Variants in CACNA1B observed in about 807,000 individuals in gnomAD.
CACNA1B encodes calcium voltage-gated channel subunit alpha1 B, also known as voltage-dependent N-type calcium channel subunit alpha-1B.
CACNA1B carries 70 observed loss-of-function variants against 247.2 expected under a neutral mutation model. The ratio of observed to expected loss-of-function variants is 0.28; its 90% CI spans 0.23 to 0.35. The LOEUF is 0.35. Among genes scored for constraint, CACNA1B ranks in the 10% least tolerant of loss-of-function variants. The probability of loss-of-function intolerance (pLI) is 1.00; values close to 1 mark genes in which losing one functional copy is unlikely to be tolerated. For missense variants in CACNA1B, 2,367 were observed against 3,197.4 expected (o/e 0.74, Z 6.26); for synonymous variants, 1,231 against 1,294.4 (o/e 0.95, Z 1.05).
Position 138,119,865 on chromosome 9 carries a change from A to G in CACNA1B, c.6031-300A>G, listed in dbSNP as rs72770915. On this transcript the variant is annotated intron_variant, in intron 44 of 46. Transcript: ENST00000371372. ...CCAGTCCACCCCAGACGCACCAGGC[A>G]GAGTGATCCCATTGCAGCCAGCAGA... Among the ~76,000 whole-genome samples, 448 of 152,318 alleles carry G rather than the reference A, an allele frequency of 2.9e-3. 3 individuals carry two copies. The highest frequency in any genetic ancestry group is 0.01 in the Middle Eastern group (3 of 294).
At chr9:137,956,553 C>T (rs1273432698) in intron 8 of CACNA1B, among the ~76,000 whole-genome samples, 1 of 151,752 alleles carries the variant, frequency 6.6e-6, no homozygotes, top group Non-Finnish European at 1.5e-5. Flanking sequence ...AGTGGGGAGG[C>T]TGAGGCAGGA....
intron 15 of CACNA1B, among the ~76,000 whole-genome samples, chr9:138,003,959 A>G (rs1228477055): frequency 6.6e-6 from 1 of 151,964 alleles, no homozygotes; most frequent in African/African-American, 2.4e-5. Context: ...CAGATTGGGA[A>G]CTGTCAAAGG....
At chr9:137,937,063 A>G (rs1465009094) in intron 6 of CACNA1B, among the ~76,000 whole-genome samples, 1 of 152,128 alleles carries the variant, frequency 6.6e-6, no homozygotes, top group African/African-American at 2.4e-5. Flanking sequence ...TCTATAAATT[A>G]CCTTGGGCAG....
rs960406194 is a variant in CACNA1B at position 137,881,296 on chromosome 9, C to A, written c.391-1448C>A. 6.6e-6 allele frequency among the ~76,000 whole-genome samples: 1 copy of A among 152,178 alleles called. No homozygotes were observed. Among genetic ancestry groups the A allele is most frequent in the Non-Finnish European group, 1.5e-5 (1 of 68,024 alleles). The stretch of plus-strand genomic sequence containing the variant: ...ATGATGGACCCTTGGGTGCTGGTAG[C>A]TTCTACCAGGTACTGCCAGCCAAGC... On this transcript the variant is annotated intron_variant, in intron 2 of 46. Coordinates refer to ENST00000371372, the MANE Select transcript of CACNA1B (RefSeq NM_000718.4). This position sits in a 1 kb window ranked among gnomAD's most constrained non-coding sequence, Gnocchi z 4.3.
At position 138,050,153 on chromosome 9, in the gene CACNA1B, A is replaced by G. The variant is rs1421006758; in HGVS notation, c.3710+838A>G. Reference sequence around the variant, plus strand: ...GCATTCCAGCAGCCCCTCTTGGGTCATTTCATCTCCAGCCTCACCCCCCGC... The same window carrying G: ...GCATTCCAGCAGCCCCTCTTGGGTCGTTTCATCTCCAGCCTCACCCCCCGC... On this transcript the variant is annotated intron_variant, in intron 24 of 46. Coordinates refer to ENST00000371372, the MANE Select transcript of CACNA1B (RefSeq NM_000718.4). This position sits in a 1 kb window ranked among gnomAD's most constrained non-coding sequence, Gnocchi z 5.2. 6.9e-6 allele frequency: 8 copies of G among 1,158,396 alleles called. No individual in the cohort carries two copies. The highest frequency in any genetic ancestry group is 9.2e-6 in the Non-Finnish European group (8 of 869,352). 71.8% of individuals were successfully genotyped at this position (1,158,396 alleles called of 1,614,324 possible).
chr9:138,039,300 T>G (rs1166017462), intron 20 of CACNA1B, among the ~76,000 whole-genome samples: 2 of 152,238 alleles, frequency 1.3e-5, no homozygotes, highest in Non-Finnish European at 2.9e-5. Flanking sequence ...ACTTTTGTAT[T>G]TATCTCTTTT....
At chr9:137,991,054 A>G (rs1222173506) in intron 15 of CACNA1B, among the ~76,000 whole-genome samples, 1 of 152,260 alleles carries the variant, frequency 6.6e-6, no homozygotes, top group Non-Finnish European at 1.5e-5. Context: ...AGAAGATCAC[A>G]TCAGCTTACC....
At position 138,007,630 on chromosome 9, in the gene CACNA1B, A is replaced by C. The variant is rs1010423160; in HGVS notation, c.2092+746A>C. The stretch of plus-strand genomic sequence containing the variant: ...GATGGTAAGCCTGGATTCCAGCCCT[A>C]GCCCAGGGTGTCAGAGGCAGTGGGG... On this transcript the variant is annotated intron_variant, in intron 16 of 46. Transcript: ENST00000371372. This position sits in a 1 kb window ranked among gnomAD's most constrained non-coding sequence, Gnocchi z 4.1. Among the ~76,000 whole-genome samples, 15 of 152,160 alleles carry C rather than the reference A, an allele frequency of 9.9e-5. No homozygotes were observed. Among genetic ancestry groups the C allele is most frequent in the Non-Finnish European group, 2.1e-4 (14 of 68,002 alleles).
At chr9:138,013,091 C>G in intron 17 of CACNA1B, 38 bp from the exon 18 acceptor site, 1 of 1,490,346 alleles carries the variant, frequency 6.7e-7, no homozygotes, top group South Asian at 1.1e-5. Context: ...GGCTATAACA[C>G]TGTGAGGGGA....
intron 3 of CACNA1B, among the ~76,000 whole-genome samples, chr9:137,904,634 CT>C (rs1483370553): frequency 6.6e-6 from 1 of 151,988 alleles, no homozygotes; most frequent in East Asian, 1.9e-4. Context: ...TCTCAAAGGG[CT>C]ACGATTACAG....
rs767404075 is a variant in CACNA1B at position 138,053,893 on chromosome 9, C to T, written c.3855C>T (p.Ile1285=). The T allele has an allele frequency of 1.2e-6, 2 of 1,613,204 alleles. No individual in the cohort carries two copies. Among genetic ancestry groups the T allele is most frequent in the East Asian group, 2.2e-5 (1 of 44,872 alleles). ...ACTCCCTGAAGAATGTCCTCAACAT[C>T]TTGATTGTCTACATGCTCTTCATGT... ...VVNSLKNVLN[I]LIVYMLFMFI... is the part of the protein sequence containing the mutation. Residue 1285 remains isoleucine (I), a synonymous_variant, in exon 26 of 47, where the codon ATC becomes ATT. Transcript: ENST00000371372.
Position 137,882,634 on chromosome 9 carries a change from C to G in CACNA1B, c.391-110C>G. 1.6e-6 allele frequency: 2 copies of G among 1,283,550 alleles called. No homozygotes were observed. The highest frequency in any genetic ancestry group is 2.7e-5 in the South Asian group (2 of 73,910). 79.5% of individuals were successfully genotyped at this position (1,283,550 alleles called of 1,614,324 possible). A position where few individuals can be genotyped will look rare whatever the true frequency, so the allele number is the denominator to read the frequency against. ...GGCAAGGTGAGGAGGGTCAGACCCTCACGATAGCTGTGGCCTGCACATGGT... is the reference window on the plus strand; with the variant it reads ...GGCAAGGTGAGGAGGGTCAGACCCTGACGATAGCTGTGGCCTGCACATGGT... On this transcript the variant is annotated intron_variant, in intron 2 of 46. Coordinates refer to ENST00000371372, the MANE Select transcript of CACNA1B (RefSeq NM_000718.4). The surrounding 1 kb of genome is among the most constrained non-coding windows in gnomAD (Gnocchi z 4.0).
Position 138,010,723 on chromosome 9 carries a change from T to C in CACNA1B, c.2160+646T>C, listed in dbSNP as rs1958713425. Among the ~76,000 whole-genome samples, 1 of 152,170 alleles carries C rather than the reference T, an allele frequency of 6.6e-6. No homozygotes were observed. Among genetic ancestry groups the C allele is most frequent in the Non-Finnish European group, 1.5e-5 (1 of 68,034 alleles). ...ATCAGTGTGTACCTGTGTGTCACCA[T>C]GTATGTGTCACTGTGTGCCCTCTTC... On this transcript the variant is annotated intron_variant, in intron 17 of 46. Transcript: ENST00000371372. The surrounding 1 kb of genome is among the most constrained non-coding windows in gnomAD (Gnocchi z 5.3).
At chr9:138,036,208 T>C (rs1307774869) in intron 20 of CACNA1B, among the ~76,000 whole-genome samples, 4 of 152,180 alleles carry the variant, frequency 2.6e-5, no homozygotes, top group African/African-American at 9.6e-5. Context: ...GGCGCAATCT[T>C]GGCTCACTGC....
Position 138,118,086 on chromosome 9 carries a change from G to A in CACNA1B, c.5913+5G>A. 1 of 1,551,818 alleles carries A rather than the reference G, an allele frequency of 6.4e-7. No individual in the cohort carries two copies. The highest frequency in any genetic ancestry group is 2.4e-5 in the East Asian group (1 of 41,810). On this transcript the variant is annotated splice_donor_5th_base_variant and intron_variant, in intron 43 of 46. Coordinates refer to ENST00000371372, the MANE Select transcript of CACNA1B (RefSeq NM_000718.4). ...GTGGGGCGGTCAGGAGCACTGGTGA[G>A]CACTCCCGGGGGCTAGTGAGACTGG...
intron 6 of CACNA1B, among the ~76,000 whole-genome samples, chr9:137,949,625 C>T (rs371467993): frequency 9.9e-5 from 15 of 152,102 alleles, no homozygotes; most frequent in East Asian, 7.7e-4. Context: ...TTCTGCCTGG[C>T]GGGCTTGTGT....
In CACNA1B at chr9:138,121,027, G is replaced by A; in HGVS notation, c.6489+146G>A. 1.1e-6 allele frequency: 1 copy of A among 942,264 alleles called. No individual in the cohort carries two copies. Among genetic ancestry groups the A allele is most frequent in the East Asian group, 2.7e-5 (1 of 36,614 alleles). 58.4% of individuals were successfully genotyped at this position (942,264 alleles called of 1,614,324 possible). ...CCAAGGGCCGGGCGCTCCCCTCTGT[G>A]CCCTGTCCCGGAGCCCACGTCTGCA... On this transcript the variant is annotated intron_variant, in intron 46 of 46. Coordinates refer to ENST00000371372, the MANE Select transcript of CACNA1B (RefSeq NM_000718.4). This position sits in a 1 kb window ranked among gnomAD's most constrained non-coding sequence, Gnocchi z 6.8.
intron 6 of CACNA1B, among the ~76,000 whole-genome samples, chr9:137,921,276 A>C (rs1363269919): frequency 6.6e-6 from 1 of 151,750 alleles, no homozygotes; most frequent in Non-Finnish European, 1.5e-5. Context: ...TCCCGGGAGC[A>C]GAGTAAAGCG....
intron 26 of CACNA1B, among the ~76,000 whole-genome samples, chr9:138,055,755 G>A (rs574676032): frequency 1.7e-3 from 260 of 152,256 alleles, no homozygotes; most frequent in Non-Finnish European, 2.8e-3. Context: ...GGCCAGGCGC[G>A]GTGGCTCACG....
Sources: allele counts gnomAD v4.1 joint callset (sites outside exome capture counted in the v4.1 genomes callset), GRCh38; gene constraint gnomAD v4.1.1; non-coding constraint Gnocchi (gnomAD v3.1); transcripts MANE v1.5; gene names NCBI Gene and HGNC (gene_info 2026-07-23, HGNC 2026-07-21).